FAM114A2: variants seen among roughly 807,000 people sequenced by gnomAD.
FAM114A2 encodes protein FAM114A2.
FAM114A2 carries 53 observed loss-of-function variants against 58.4 expected under a neutral mutation model. The observed-to-expected ratio is 0.91, with a 90% CI of 0.73 to 1.14. The LOEUF (loss-of-function observed/expected upper bound fraction) is 1.14. Among genes scored for constraint, FAM114A2 ranks in the 50% most tolerant of loss-of-function variants. FAM114A2 has a pLI of 0.00. For missense variants in FAM114A2, 601 were observed against 581.1 expected, an observed-to-expected ratio of 1.03 and a Z score of -0.35; for synonymous variants, 228 against 211.4, an observed-to-expected ratio of 1.08 and a Z score of -0.68.
At chr5:154,032,524 T>C (rs535189527) in intron 4 of FAM114A2, among the ~76,000 whole-genome samples, 3 of 152,302 alleles carry the variant, frequency 2.0e-5, no homozygotes, top group African/African-American at 7.2e-5. Context: ...AGGTTTCTGA[T>C]AATGCCCAAA....
At chr5:154,001,974 T>C (rs1372314614) in intron 11 of FAM114A2, among the ~76,000 whole-genome samples, 1 of 152,224 alleles carries the variant, frequency 6.6e-6, no homozygotes, top group Non-Finnish European at 1.5e-5. Context: ...AGAACTCTTC[T>C]CTGTTTTCAC....
At position 153,991,962 on chromosome 5, in the gene FAM114A2, G is replaced by A. The variant is rs1344429015; in HGVS notation, c.*1014C>T. ...AGCAAAAGAAAGCTTAAGATCTGGA[G>A]GATAAAAGTTATATCAAAAACATGC... is the stretch of plus-strand genomic sequence containing the variant. On this transcript the variant is annotated 3_prime_UTR_variant, in exon 14 of 14. Coordinates refer to ENST00000351797, the MANE Select transcript of FAM114A2 (RefSeq NM_018691.4). 1.3e-5 allele frequency: 2 copies of A among 151,702 alleles called. No individual in the cohort carries two copies. The highest frequency in any genetic ancestry group is 2.4e-5 in the African/African-American group (1 of 41,284). The allele number at this position is 151,702 out of a possible 1,614,324, so 9.4% of individuals were successfully genotyped here.
chr5:154,001,781 A>G (rs908247144), intron 11 of FAM114A2, among the ~76,000 whole-genome samples: 2 of 152,194 alleles, frequency 1.3e-5, no homozygotes, highest in Non-Finnish European at 2.9e-5. Flanking sequence ...ATCCCAGGCC[A>G]TACAGCACAG....
intron 9 of FAM114A2, 63 bp from the exon 10 acceptor site, chr5:154,003,032 T>A: frequency 7.0e-7 from 1 of 1,420,714 alleles, no homozygotes; most frequent in African/African-American, 1.4e-5. Context: ...ACTGTGCACC[T>A]ACCAGGAACA....
intron 9 of FAM114A2, among the ~76,000 whole-genome samples, chr5:154,003,468 T>TGTAGA (rs1210778721): frequency 6.6e-6 from 1 of 152,164 alleles, no homozygotes; most frequent in Non-Finnish European, 1.5e-5. Flanking sequence ...CATGAGCCAC[T>TGTAGA]GCGCCCGGCC....
chr5:154,026,168 GTT>G (rs1036182321), intron 8 of FAM114A2: 27 of 273,518 alleles, frequency 9.9e-5, no homozygotes, highest in African/African-American at 5.7e-4. Flanking sequence ...GCCACAAAGG[GTT>G]TGGTTGGAAG....
chr5:154,001,376 C>T (rs915570460), intron 11 of FAM114A2, among the ~76,000 whole-genome samples: 7 of 152,076 alleles, frequency 4.6e-5, no homozygotes, highest in African/African-American at 9.7e-5. Context: ...AGGGAGTGAA[C>T]CCCATTTCAA....
At chr5:154,031,155 T>A (rs1420146389) in intron 4 of FAM114A2, among the ~76,000 whole-genome samples, 2 of 151,000 alleles carry the variant, frequency 1.3e-5, no homozygotes, top group Non-Finnish European at 3.0e-5. Context: ...CTATTAAAAG[T>A]ACAAAAATTA....
At chr5:154,034,035 T>C (rs1326214909) in intron 3 of FAM114A2, 152 bp from the exon 4 acceptor site, 5 of 661,496 alleles carry the variant, frequency 7.6e-6, no homozygotes, top group African/African-American at 3.7e-5. Flanking sequence ...CTTAAAAAAA[T>C]TGATTCATCA....
intron 3 of FAM114A2, 85 bp from the exon 4 acceptor site, chr5:154,033,968 T>C: frequency 1.2e-6 from 1 of 821,918 alleles, no homozygotes; most frequent in Non-Finnish European, 2.0e-6. Context: ...TTTAAAATCA[T>C]TTAGGACCAC....
chr5:153,992,951 T>C lies in FAM114A2; in HGVS notation c.*25A>G. ...GGTGGCATTCCTTGGCCGTCACAAGTCCCAGGTCAAAACGTCTCCATTCTT... is the reference window on the plus strand; with the variant it reads ...GGTGGCATTCCTTGGCCGTCACAAGCCCCAGGTCAAAACGTCTCCATTCTT... On this transcript the variant is annotated 3_prime_UTR_variant, in exon 14 of 14. Coordinates refer to ENST00000351797, the MANE Select transcript of FAM114A2 (RefSeq NM_018691.4). The C allele has an allele frequency of 1.2e-6, 2 of 1,602,634 alleles. No individual in the cohort carries two copies. The highest frequency in any genetic ancestry group is 1.7e-6 in the Non-Finnish European group (2 of 1,173,038).
intron 4 of FAM114A2, among the ~76,000 whole-genome samples, chr5:154,029,927 G>A (rs1450489717): frequency 1.3e-5 from 2 of 152,150 alleles, no homozygotes; most frequent in African/African-American, 2.4e-5. Flanking sequence ...AAGGAGAACA[G>A]TGACTACAAA....
At chr5:153,994,660 G>A (rs190492993) in intron 13 of FAM114A2, 428 of 336,804 alleles carry the variant, frequency 1.3e-3, no homozygotes, top group Admixed American at 2.4e-3. Context: ...ACTGTGAACC[G>A]TCCATTAAGC....
intron 3 of FAM114A2, 110 bp from the exon 4 acceptor site, chr5:154,033,993 T>C (rs1772367221): frequency 2.8e-6 from 2 of 722,186 alleles, no homozygotes; most frequent in Non-Finnish European, 2.4e-6. Context: ...CATGTTATTT[T>C]GACAATACAT....
chr5:153,995,047 AAC>A (rs58913088), intron 12 of FAM114A2, 75 bp from the exon 13 acceptor site: 852 of 854,612 alleles, frequency 1.0e-3, no homozygotes, highest in South Asian at 1.2e-3. Flanking sequence ...CACACTTTAA[AAC>A]ACACACACAC....
At chr5:154,023,600 C>A (rs1187318691) in intron 8 of FAM114A2, among the ~76,000 whole-genome samples, 1 of 152,054 alleles carries the variant, frequency 6.6e-6, no homozygotes, top group Non-Finnish European at 1.5e-5. Context: ...AAGAATGACA[C>A]AATGGGCTTC....
At chr5:154,023,390 C>T (rs562521750) in intron 8 of FAM114A2, among the ~76,000 whole-genome samples, 31 of 152,118 alleles carry the variant, frequency 2.0e-4, no homozygotes, top group African/African-American at 6.5e-4. Context: ...CATCAATCAA[C>T]GAGTAGATAA....
At chr5:154,024,451 G>A (rs554734668) in intron 8 of FAM114A2, among the ~76,000 whole-genome samples, 1 of 152,148 alleles carries the variant, frequency 6.6e-6, no homozygotes, top group South Asian at 2.1e-4. Flanking sequence ...AGTGCCATCA[G>A]GGTTGAATCT....
At chr5:154,011,652 C>T (rs1770707578) in intron 8 of FAM114A2, among the ~76,000 whole-genome samples, 1 of 152,142 alleles carries the variant, frequency 6.6e-6, no homozygotes, top group Non-Finnish European at 1.5e-5. Context: ...CCAGTCCAAA[C>T]CCTGTGCTGT....
Sources: gnomAD v4.1 joint callset for allele counts (sites outside exome capture counted in the v4.1 genomes callset) on GRCh38, gnomAD v4.1.1 for gene constraint, MANE v1.5 for transcripts, NCBI Gene and HGNC (gene_info 2026-07-23, HGNC 2026-07-21) for gene names.